RBM47: variants seen among roughly 807,000 people sequenced by gnomAD.
RBM47 encodes RNA binding motif protein 47.
A neutral mutation model predicts 47.1 loss-of-function variants in RBM47; 21 were observed. The ratio of observed to expected loss-of-function variants is 0.45; its 90% CI spans 0.32 to 0.64. The LOEUF (loss-of-function observed/expected upper bound fraction) is 0.64, where lower values mean the gene tolerates loss of function less well. Among genes scored for constraint, RBM47 ranks in the 30% least tolerant of loss-of-function variants. The pLI is 0.05. For missense variants in RBM47, 708 were observed against 870.9 expected, an observed-to-expected ratio of 0.81 and a Z score of 2.35; for synonymous variants, 375 against 361.7, an observed-to-expected ratio of 1.04 and a Z score of -0.42.
intron 1 of RBM47, among the ~76,000 whole-genome samples, chr4:40,604,799 C>T (rs1485305969): frequency 6.6e-6 from 1 of 152,168 alleles, no homozygotes; most frequent in Non-Finnish European, 1.5e-5. Flanking sequence ...TCACTGCAAC[C>T]TCTGCCTCCG....
chr4:40,554,795 C>A (rs913776004), intron 1 of RBM47, among the ~76,000 whole-genome samples: 4 of 135,916 alleles, frequency 2.9e-5, no homozygotes, highest in African/African-American at 1.1e-4. Context: ...TTTTTTTTAA[C>A]GAATCTCCCA....
intron 5 of RBM47, among the ~76,000 whole-genome samples, chr4:40,433,981 AGTGTGTGTGTGTGGGGCGGGGGT>A (rs752642345): frequency 9.7e-6 from 1 of 103,230 alleles, no homozygotes; most frequent in South Asian, 3.9e-4. Context: ...CTTTTGTGTG[AGTGTGTGTGTGTGGGGCGGGGGT>A]GTGTGTGTGT....
intron 3 of RBM47, among the ~76,000 whole-genome samples, chr4:40,447,597 G>A (rs973595694): frequency 5.3e-5 from 8 of 152,308 alleles, no homozygotes; most frequent in Admixed American, 1.3e-4. Flanking sequence ...TAAGACTACC[G>A]GTCCGCTGCA....
intron 2 of RBM47, among the ~76,000 whole-genome samples, chr4:40,523,870 A>G (rs1726455975): frequency 6.6e-6 from 1 of 151,758 alleles, no homozygotes; most frequent in Admixed American, 6.6e-5. Context: ...TCTCAAAAAA[A>G]AAAAAAGAGG....
intron 1 of RBM47, among the ~76,000 whole-genome samples, chr4:40,610,211 G>A (rs78912071): frequency 0.014 from 2,177 of 152,266 alleles, 56 homozygotes; most frequent in African/African-American, 0.049. Flanking sequence ...CATAACCCTA[G>A]GCAAGTTATT....
At chr4:40,497,989 T>TCAAAAC (rs935033212) in intron 2 of RBM47, among the ~76,000 whole-genome samples, 4 of 147,302 alleles carry the variant, frequency 2.7e-5, no homozygotes, top group East Asian at 2.0e-4. Context: ...AGACTCTATC[T>TCAAAAC]CAAAACCAAA....
At chr4:40,590,922 C>T (rs1021718399) in intron 1 of RBM47, among the ~76,000 whole-genome samples, 4 of 152,228 alleles carry the variant, frequency 2.6e-5, no homozygotes, top group African/African-American at 9.6e-5. Context: ...CCTCCCTCAG[C>T]CTCCTGAGCA....
chr4:40,597,051 G>A (rs965668732), intron 1 of RBM47, among the ~76,000 whole-genome samples: 1 of 152,080 alleles, frequency 6.6e-6, no homozygotes. Context: ...ATGAGGTCAG[G>A]AGATTGACAC....
intron 2 of RBM47, among the ~76,000 whole-genome samples, chr4:40,508,753 A>C (rs1724465730): frequency 6.6e-6 from 1 of 152,244 alleles, no homozygotes; most frequent in African/African-American, 2.4e-5. Flanking sequence ...TTTGTGCCTT[A>C]ATCTGGGTGG....
At chr4:40,573,724 G>A (rs779079716) in intron 1 of RBM47, among the ~76,000 whole-genome samples, 1 of 145,730 alleles carries the variant, frequency 6.9e-6, no homozygotes, top group Non-Finnish European at 1.5e-5. Flanking sequence ...ACAGAGCAAG[G>A]CTCTGTCTAA....
At chr4:40,527,612 A>T (rs1455176505) in intron 2 of RBM47, among the ~76,000 whole-genome samples, 2 of 151,404 alleles carry the variant, frequency 1.3e-5, no homozygotes, top group Non-Finnish European at 2.9e-5. Flanking sequence ...TTTTTAGTAA[A>T]GGCGGGGTTT....
At chr4:40,607,072 C>A (rs926383039) in intron 1 of RBM47, among the ~76,000 whole-genome samples, 1 of 152,136 alleles carries the variant, frequency 6.6e-6, no homozygotes, top group African/African-American at 2.4e-5. Flanking sequence ...GTGCAAAAAT[C>A]TATTTATTCA....
intron 1 of RBM47, among the ~76,000 whole-genome samples, chr4:40,603,532 T>TA (rs1208147421): frequency 6.6e-6 from 1 of 152,090 alleles, no homozygotes; most frequent in Non-Finnish European, 1.5e-5. Flanking sequence ...TCTTTGGCAC[T>TA]AGGCTTCTTC....
At chr4:40,530,477 AT>A in intron 2 of RBM47, among the ~76,000 whole-genome samples, 1 of 151,382 alleles carries the variant, frequency 6.6e-6, no homozygotes, top group Non-Finnish European at 1.5e-5. Context: ...TAATTTTTAT[AT>A]TTTTAGTAGA....
intron 2 of RBM47, among the ~76,000 whole-genome samples, chr4:40,474,344 G>T (rs1452882886): frequency 6.6e-6 from 1 of 152,020 alleles, no homozygotes; most frequent in Non-Finnish European, 1.5e-5. Flanking sequence ...TGTGACTGTT[G>T]GTCGCCCCCC....
At chr4:40,471,581 T>C (rs1207820437) in intron 2 of RBM47, among the ~76,000 whole-genome samples, 5 of 151,152 alleles carry the variant, frequency 3.3e-5, no homozygotes, top group African/African-American at 9.7e-5. Context: ...CCTGTAATCC[T>C]AGCTACTCAG....
At chr4:40,486,069 C>CAAAAAAAAAAAAA (rs201408070) in intron 2 of RBM47, among the ~76,000 whole-genome samples, 4 of 62,818 alleles carry the variant, frequency 6.4e-5, no homozygotes, top group Non-Finnish European at 1.1e-4. Context: ...AACCCTGTTT[C>CAAAAAAAAAAAAA]AAAAAAAAAA....
At position 40,495,637 on chromosome 4, in the gene RBM47, G is replaced by A. The variant is rs546180159; in HGVS notation, c.-154-28938C>T. ...AAAAAAAAAGTTTAGGTTATGACTC[G>A]TTCCCTGTACTGAAAAGGACATTTA... On this transcript the variant is annotated intron_variant, in intron 2 of 6. Coordinates refer to ENST00000295971, the MANE Select transcript of RBM47 (RefSeq NM_001098634.2). 9.9e-5 allele frequency among the ~76,000 whole-genome samples: 15 copies of A among 152,032 alleles called. No individual in the cohort carries two copies. In the South Asian group the frequency reaches 2.7e-3, roughly 27 times the overall value.
At chr4:40,499,811 T>C (rs948912704) in intron 2 of RBM47, among the ~76,000 whole-genome samples, 2 of 151,978 alleles carry the variant, frequency 1.3e-5, no homozygotes, top group Non-Finnish European at 2.9e-5. Context: ...AATCATATTA[T>C]AGAGTATTCA....
Sources: gnomAD v4.1 joint callset for allele counts (sites outside exome capture counted in the v4.1 genomes callset) on GRCh38, gnomAD v4.1.1 for gene constraint, MANE v1.5 for transcripts, NCBI Gene and HGNC (gene_info 2026-07-23, HGNC 2026-07-21) for gene names.